Variants in TMEM255A observed in about 807,000 individuals in gnomAD.
TMEM255A encodes transmembrane protein 255A.
In TMEM255A, 14 loss-of-function variants were observed where a neutral mutation model predicts 23.5. That is an observed-to-expected ratio of 0.60 (90% CI 0.39 to 0.93). The LOEUF (loss-of-function observed/expected upper bound fraction) is 0.93. TMEM255A is among the 40% of genes least tolerant of loss of function. The pLI, the probability that TMEM255A is intolerant of heterozygous loss-of-function variation, is 0.00. For missense variants in TMEM255A, 233 were observed against 261.7 expected, an observed-to-expected ratio of 0.89 and a Z score of 0.76; for synonymous variants, 104 against 100.3, an observed-to-expected ratio of 1.04 and a Z score of -0.22.
intron 8 of TMEM255A, among the ~76,000 whole-genome samples, chrX:120,264,093 C>T (rs2057699568): frequency 9.0e-6 from 1 of 111,411 alleles, no homozygotes; most frequent in Admixed American, 9.5e-5. Context: ...GGGACCATTC[C>T]ATGGTTAGAG....
At chrX:120,274,804 G>C (rs1476591375) in intron 7 of TMEM255A, among the ~76,000 whole-genome samples, 1 of 111,835 alleles carries the variant, frequency 8.9e-6, no homozygotes, top group Non-Finnish European at 1.9e-5. Context: ...CAGTTTCAGC[G>C]CCCACAGTAG....
chrX:120,288,971 A>G (rs1402394642), intron 4 of TMEM255A, among the ~76,000 whole-genome samples: 1 of 112,141 alleles, frequency 8.9e-6, no homozygotes, highest in African/African-American at 3.2e-5. Context: ...CACAAGACAC[A>G]TAGAGAAGGG....
chrX:120,278,905 G>C (rs1196506347), intron 6 of TMEM255A, among the ~76,000 whole-genome samples: 1 of 111,919 alleles, frequency 8.9e-6, no homozygotes, highest in Admixed American at 9.5e-5. Flanking sequence ...GTCTATGTGT[G>C]CCTGCCTGTT....
chrX:120,299,701 G>A (rs2058020925), intron 2 of TMEM255A, among the ~76,000 whole-genome samples: 1 of 112,070 alleles, frequency 8.9e-6, no homozygotes, highest in Admixed American at 9.4e-5. Context: ...TCAAACAAGA[G>A]GTAGAAACTT....
chrX:120,260,906 A>G lies in TMEM255A; in HGVS notation c.942T>C (p.Tyr314=), dbSNP rs2057674193. The G allele has an allele frequency of 8.3e-7, 1 of 1,204,550 alleles. No homozygotes were observed. The highest frequency in any genetic ancestry group is 1.7e-5 in the African/African-American group (1 of 57,195). Residue 314 remains tyrosine (Y), a synonymous_variant, in exon 9 of 9, where the codon TAT becomes TAC. Coordinates refer to ENST00000371369, the MANE Select transcript of TMEM255A (RefSeq NM_001104544.3). ...SAPPRYSPPY[Y]PPFEKPPPYS... is the part of the protein sequence containing the mutation. ...AAGGTGGTGGCTTTTCAAAAGGTGG[A>G]TAGTAGGGTGGAGAGTAACGGGGCG...
intron 3 of TMEM255A, among the ~76,000 whole-genome samples, chrX:120,293,198 G>A (rs1339587287): frequency 8.9e-6 from 1 of 112,257 alleles, no homozygotes. Context: ...GACTGTACAG[G>A]GGGAGCCCAA....
At chrX:120,270,666 T>C (rs1437294084) in intron 7 of TMEM255A, among the ~76,000 whole-genome samples, 1 of 111,673 alleles carries the variant, frequency 9.0e-6, no homozygotes, top group Admixed American at 9.5e-5. Context: ...ACCAAGCACC[T>C]CTTGTCAGGG....
At chrX:120,279,038 C>T (rs2057819319) in intron 6 of TMEM255A, among the ~76,000 whole-genome samples, 1 of 112,334 alleles carries the variant, frequency 8.9e-6, no homozygotes, top group South Asian at 3.7e-4. Context: ...CCTACTGAAT[C>T]TGGTAGAATC....
At chrX:120,255,361 A>G (rs782273880), downstream of TMEM255A, 2 of 1,210,169 alleles carry the variant, frequency 1.7e-6, no homozygotes, top group African/African-American at 3.5e-5. Context: ...CAGCAGGAAA[A>G]TGATTCAATT....
chrX:120,275,228 G>T (rs1054744002), intron 7 of TMEM255A, among the ~76,000 whole-genome samples: 1 of 111,543 alleles, frequency 9.0e-6, no homozygotes, highest in African/African-American at 3.3e-5. Context: ...ACTTGTTAGT[G>T]CTTGGGCATT....
At chrX:120,303,056 G>T (rs1356847301) in intron 2 of TMEM255A, among the ~76,000 whole-genome samples, 6 of 111,474 alleles carry the variant, frequency 5.4e-5, no homozygotes, top group Non-Finnish European at 1.1e-4. Flanking sequence ...CCATTTAATT[G>T]GTGTTTAAAA....
chrX:120,275,412 C>T (rs974036954), intron 7 of TMEM255A, among the ~76,000 whole-genome samples: 5 of 111,986 alleles, frequency 4.5e-5, no homozygotes, highest in African/African-American at 1.6e-4. Flanking sequence ...CAATCCAAAA[C>T]GACAGAGTTT....
Position 120,296,731 on chromosome X carries a change from ATATAT to A in TMEM255A, c.202-2685_202-2681del, listed in dbSNP as rs1176735454. Among the ~76,000 whole-genome samples the A allele has an allele frequency of 9.0e-4, 32 of 35,544 alleles. 2 individuals are homozygous for A. Among genetic ancestry groups the A allele is most frequent in the East Asian group, 2.6e-3 (3 of 1,142 alleles). The allele number at this position is 35,544 out of a possible 115,157, so 30.9% of individuals were successfully genotyped here. ...GGTAAATAAATTTAATATATATTAA[ATATAT>A]TATATTATATTATATTATATATTAT... On this transcript the variant is annotated intron_variant, in intron 2 of 8. Coordinates refer to ENST00000371369, the MANE Select transcript of TMEM255A (RefSeq NM_001104544.3).
chrX:120,274,465 G>A (rs187293533), intron 7 of TMEM255A, among the ~76,000 whole-genome samples: 1 of 111,745 alleles, frequency 8.9e-6, no homozygotes, highest in Non-Finnish European at 1.9e-5. Flanking sequence ...CGGGACTAAA[G>A]CTAAGGCTAA....
chrX:120,260,964 G>T lies in TMEM255A; in HGVS notation c.884C>A (p.Pro295His). ...TGAGGACCACATGTAGCTGGGTGAG[G>T]GAGAGGCAGACTGGGGCTCATCAGA... ...GLSDEPQSAS[P>H]SPSYMWSSSA... Residue 295 changes from proline (P) to histidine (H), a missense_variant, in exon 9 of 9, where the codon CCC becomes CAC. Pro to His is a moderately conservative substitution (Grantham distance 77). Transcript: ENST00000371369. 8.3e-7 allele frequency: 1 copy of T among 1,199,561 alleles called. No individual in the cohort carries two copies. The highest frequency in any genetic ancestry group is 1.1e-6 in the Non-Finnish European group (1 of 891,491).
intron 2 of TMEM255A, among the ~76,000 whole-genome samples, chrX:120,298,581 C>T (rs142184885): frequency 0.047 from 5,186 of 110,914 alleles, 161 homozygotes; most frequent in East Asian, 0.13. Context: ...CAAGGCTCTA[C>T]TTGGTTGTTA....
chrX:120,285,701 T>C (rs782627350), intron 5 of TMEM255A: 5 of 1,208,825 alleles, frequency 4.1e-6, no homozygotes, highest in Admixed American at 2.2e-5. Context: ...TATGACCTTA[T>C]GTAGGAAAAA....
chrX:120,309,238 G>A (rs1569342861), intron 1 of TMEM255A, among the ~76,000 whole-genome samples: 1 of 113,009 alleles, frequency 8.8e-6, no homozygotes, highest in Non-Finnish European at 1.9e-5. Context: ...AGTGGAATGC[G>A]TGGCGCCGGC....
intron 1 of TMEM255A, 59 bp downstream of exon 1, chrX:120,311,193 A>G (rs1348448361): frequency 6.7e-6 from 7 of 1,038,911 alleles, no homozygotes; most frequent in Non-Finnish European, 9.3e-6. Flanking sequence ...TTCACAGTCC[A>G]GAGGCCAGGG....
Sources: allele counts gnomAD v4.1 joint callset (sites outside exome capture counted in the v4.1 genomes callset), GRCh38; gene constraint gnomAD v4.1.1; transcripts MANE v1.5; gene names NCBI Gene and HGNC (gene_info 2026-07-23, HGNC 2026-07-21).